The following ATAD3A variants were observed in gnomAD, a reference collection of about 807,000 sequenced individuals.
ATAD3A encodes ATPase family AAA domain-containing protein 3A.
Under a neutral mutation model 73.8 loss-of-function variants are expected in ATAD3A, and 46 were observed. That is an observed-to-expected ratio of 0.62 (90% CI 0.49 to 0.80). ATAD3A has a LOEUF of 0.80. ATAD3A is among the 30% of genes least tolerant of loss of function. The probability of loss-of-function intolerance (pLI) is 0.00; values close to 1 mark genes in which losing one functional copy is unlikely to be tolerated. For synonymous variants in ATAD3A, 319 were observed against 350.0 expected, an observed-to-expected ratio of 0.91 and a Z score of 0.99; for missense variants, 705 against 838.0, an observed-to-expected ratio of 0.84 and a Z score of 1.96.
At position 1,520,614 on chromosome 1, in the gene ATAD3A, C is replaced by T; in HGVS notation, c.747C>T (p.Ala249=). 2 of 1,613,484 alleles carry T rather than the reference C, an allele frequency of 1.2e-6. No homozygotes were observed. The highest frequency in any genetic ancestry group is 1.7e-6 in the Non-Finnish European group (2 of 1,179,878). The part of the protein sequence containing the change: ...AFVTDWDKVT[A]TVAGLTLLAV... ...TGACAGACTGGGACAAAGTGACAGC[C>T]ACGGTAAACATACTCATAAAACAGG... Residue 249 remains alanine (A), a synonymous_variant, in exon 7 of 16, where the codon GCC becomes GCT. Coordinates refer to ENST00000378756, the MANE Select transcript of ATAD3A (RefSeq NM_001170535.3). The surrounding 1 kb of genome is among the most constrained non-coding windows in gnomAD (Gnocchi z 4.0).
chr1:1,516,473 G>T (rs556076015), intron 2 of ATAD3A, among the ~76,000 whole-genome samples: 1 of 152,184 alleles, frequency 6.6e-6, no homozygotes, highest in South Asian at 2.1e-4. Context: ...GAGTTCTGTG[G>T]TGCCATCTGG....
chr1:1,516,040 A>G lies in ATAD3A; in HGVS notation c.234A>G (p.Ala78=), dbSNP rs2478794. 3.2e-4 allele frequency: 521 copies of G among 1,613,888 alleles called. 1 individual carries two copies. The highest frequency in any genetic ancestry group is 1.0e-3 in the South Asian group (94 of 91,082). Residue 78 remains alanine (A), a synonymous_variant, in exon 2 of 16, where the codon GCA becomes GCG. Transcript: ENST00000378756. ...SRYAKDALNL[A]QMQEQTLQLE... is the part of the protein sequence containing the mutation. The stretch of plus-strand genomic sequence containing the variant: ...ATGCCAAGGACGCCCTGAATCTGGC[A>G]CAGATGCAGGAGCAGACGCTGCAGT...
At chr1:1,517,078 G>T (rs777248994) in intron 2 of ATAD3A, 2 of 1,515,398 alleles carry the variant, frequency 1.3e-6, no homozygotes, top group Non-Finnish European at 1.8e-6. Context: ...GGGGTGTCCG[G>T]CCTCCCTCCC....
Position 1,521,792 on chromosome 1 carries a change from C to A in ATAD3A, c.751-952C>A, listed in dbSNP as rs1270923968. Among the ~76,000 whole-genome samples, 7 of 152,360 alleles carry A rather than the reference C, an allele frequency of 4.6e-5. No homozygotes were observed. The South Asian group carries it at 1.2e-3, about 27-fold the overall frequency. ...TCGGCTCACTGCAACCTCCACCTCC[C>A]CAGTTCAAGCAGTTCTCCTGCCTCA... is the stretch of plus-strand genomic sequence containing the variant. On this transcript the variant is annotated intron_variant, in intron 7 of 15. Coordinates refer to ENST00000378756, the MANE Select transcript of ATAD3A (RefSeq NM_001170535.3).
rs904022743 is a variant in ATAD3A at position 1,525,435 on chromosome 1, G to C, written c.1266+144G>C. 8 of 992,336 alleles carry C rather than the reference G, an allele frequency of 8.1e-6. No individual in the cohort carries two copies. The African/African-American group carries it at 1.5e-4, about 18-fold the overall frequency. 61.5% of individuals were successfully genotyped at this position (992,336 alleles called of 1,614,324 possible). ...CAGCTTTTTTTTTTTTTTTTTTTGA[G>C]AAGAAATCTCGCTCTATCACCCAGG... On this transcript the variant is annotated intron_variant, in intron 12 of 15. Transcript: ENST00000378756.
chr1:1,512,189 C>T lies in ATAD3A; in HGVS notation c.-80C>T, dbSNP rs1641212755. 4 of 1,220,424 alleles carry T rather than the reference C, an allele frequency of 3.3e-6. No individual in the cohort carries two copies. Among genetic ancestry groups the T allele is most frequent in the Non-Finnish European group, 4.1e-6 (4 of 977,354 alleles). The allele number at this position is 1,220,424 out of a possible 1,614,324, so 75.6% of individuals were successfully genotyped here. ...TGGCGGTGACCACCGGCTCGCGGCG[C>T]GTGGAGGCTGCTCCCAGCCGCGCGC... On this transcript the variant is annotated 5_prime_UTR_variant, in exon 1 of 16. Coordinates refer to ENST00000378756, the MANE Select transcript of ATAD3A (RefSeq NM_001170535.3).
intron 14 of ATAD3A, among the ~76,000 whole-genome samples, chr1:1,528,328 C>A (rs1010038145): frequency 1.3e-4 from 19 of 151,712 alleles, no homozygotes; most frequent in African/African-American, 4.6e-4. Context: ...CACCCCCAGG[C>A]CCTGGCTGTG....
intron 13 of ATAD3A, among the ~76,000 whole-genome samples, chr1:1,526,750 A>T (rs1430293419): frequency 6.6e-6 from 1 of 152,230 alleles, no homozygotes; most frequent in Non-Finnish European, 1.5e-5. Flanking sequence ...AGCTGGGGTC[A>T]GTCCTGTCCT....
rs1441953637 is a variant in ATAD3A at position 1,523,741 on chromosome 1, G to C, written c.964-98G>C. Reference sequence around the variant, plus strand: ...CTGCCCCTGAGGTGGGAGGCTTCCCGAGGAGCCGAGTCTGCACCCAGGCAT... The same window carrying C: ...CTGCCCCTGAGGTGGGAGGCTTCCCCAGGAGCCGAGTCTGCACCCAGGCAT... On this transcript the variant is annotated intron_variant, in intron 9 of 15. Coordinates refer to ENST00000378756, the MANE Select transcript of ATAD3A (RefSeq NM_001170535.3). The surrounding 1 kb of genome is among the most constrained non-coding windows in gnomAD (Gnocchi z 5.1). 2 of 1,593,102 alleles carry C rather than the reference G, an allele frequency of 1.3e-6. No individual in the cohort carries two copies. Among genetic ancestry groups the C allele is most frequent in the Non-Finnish European group, 1.7e-6 (2 of 1,168,508 alleles).
At chr1:1,518,693 A>C (rs538419485) in intron 4 of ATAD3A, among the ~76,000 whole-genome samples, 29 of 84,742 alleles carry the variant, frequency 3.4e-4, no homozygotes, top group African/African-American at 1.5e-3. Flanking sequence ...ACACACACCC[A>C]AACGGGTGCA....
rs548082921 is a variant in ATAD3A, at chr1:1,525,356, C to T, written c.1266+65C>T. 54 of 1,590,386 alleles carry T rather than the reference C, an allele frequency of 3.4e-5. No individual in the cohort carries two copies. In the East Asian group the frequency reaches 1.1e-3, roughly 33 times the overall value. On this transcript the variant is annotated intron_variant, in intron 12 of 15. Transcript: ENST00000378756. Reference sequence around the variant, plus strand: ...GGTGGGCACAGCCGTCTGCCTGGGCCAGGCTGCAGCCCTCTGTTCAGTTTC... The same window carrying T: ...GGTGGGCACAGCCGTCTGCCTGGGCTAGGCTGCAGCCCTCTGTTCAGTTTC...
rs199680128 is a variant in ATAD3A, at chr1:1,534,097, C to T, written c.*25C>T. 1.7e-4 allele frequency: 268 copies of T among 1,613,268 alleles called. No individual in the cohort carries two copies. The highest frequency in any genetic ancestry group is 3.5e-4 in the Admixed American group (21 of 59,998). ...AGTCCACAGGGAGATCCACAGCTCA[C>T]GGAGCCTGGCCGCGGACCCCTCCCA... On this transcript the variant is annotated 3_prime_UTR_variant, in exon 16 of 16. Coordinates refer to ENST00000378756, the MANE Select transcript of ATAD3A (RefSeq NM_001170535.3).
chr1:1,526,132 C>T (rs759048295), intron 12 of ATAD3A, among the ~76,000 whole-genome samples: 19 of 151,820 alleles, frequency 1.3e-4, no homozygotes, highest in African/African-American at 1.9e-4. Context: ...CAGTGATTCT[C>T]GTGCCTCAGC....
chr1:1,513,463 C>T (rs1441546736), intron 1 of ATAD3A, among the ~76,000 whole-genome samples: 2 of 150,964 alleles, frequency 1.3e-5, no homozygotes, highest in Non-Finnish European at 3.0e-5. Flanking sequence ...CCTGGCGGCC[C>T]CGGAGCTCCT....
At chr1:1,529,100 TAGAG>T (rs1469872446) in intron 14 of ATAD3A, 119 bp from the exon 15 acceptor site, 1 of 1,428,234 alleles carries the variant, frequency 7.0e-7, no homozygotes. Flanking sequence ...CTGTCAGAAG[TAGAG>T]AGCCCCTCCA....
chr1:1,530,407 G>A (rs1427905805), intron 15 of ATAD3A, among the ~76,000 whole-genome samples: 4 of 152,226 alleles, frequency 2.6e-5, no homozygotes, highest in Non-Finnish European at 5.9e-5. Context: ...GGTGGCACAT[G>A]CCTGTAATGC....
At position 1,512,262 on chromosome 1, in the gene ATAD3A, T is replaced by G. The variant is rs1332255926; in HGVS notation, c.-7T>G. ...CCGGCGGCGGTAGCGGCGGCGGCGG[T>G]GCGAGCATGTCGTGGCTCTTCGGCA... On this transcript the variant is annotated 5_prime_UTR_variant, in exon 1 of 16. Coordinates refer to ENST00000378756, the MANE Select transcript of ATAD3A (RefSeq NM_001170535.3). 1.1e-5 allele frequency: 14 copies of G among 1,269,202 alleles called. No individual in the cohort carries two copies. Among genetic ancestry groups the G allele is most frequent in the Non-Finnish European group, 1.4e-5 (14 of 1,003,126 alleles). 78.6% of individuals were successfully genotyped at this position (1,269,202 alleles called of 1,614,324 possible).
rs187050544 is a variant in ATAD3A, at chr1:1,522,401, A to T, written c.751-343A>T. ...GGGTTAGTCTTGTTTTCCAGGAATA[A>T]AGTACCATTTTTAGTGGCCAAGAAT... On this transcript the variant is annotated intron_variant, in intron 7 of 15. Transcript: ENST00000378756. Among the ~76,000 whole-genome samples, 237 of 152,318 alleles carry T rather than the reference A, an allele frequency of 1.6e-3. 1 individual carries two copies. The highest frequency in any genetic ancestry group is 3.3e-3 in the Admixed American group (50 of 15,286).
At chr1:1,524,797 C>G (rs1254319332) in intron 11 of ATAD3A, among the ~76,000 whole-genome samples, 1 of 148,618 alleles carries the variant, frequency 6.7e-6, no homozygotes, top group Non-Finnish European at 1.5e-5. Context: ...ACACTCCCTT[C>G]AATAGGTCCC....
Sources: gnomAD v4.1 joint callset for allele counts (sites outside exome capture counted in the v4.1 genomes callset) on GRCh38, gnomAD v4.1.1 for gene constraint, Gnocchi (gnomAD v3.1) non-coding constraint, MANE v1.5 for transcripts, NCBI Gene and HGNC (gene_info 2026-07-23, HGNC 2026-07-21) for gene names.